Variants in FANCL observed in about 807,000 individuals in gnomAD.
FANCL encodes the protein FA complementation group L.
Under a neutral mutation model 59.4 loss-of-function variants are expected in FANCL, and 69 were observed. The ratio of observed to expected loss-of-function variants is 1.16; its 90% CI spans 0.96 to 1.42. The LOEUF is 1.42. Ranked by LOEUF, FANCL falls within the 40% of genes most tolerant of loss-of-function variation. The pLI is 0.00. For synonymous variants in FANCL, 180 were observed against 147.1 expected, an observed-to-expected ratio of 1.22 and a Z score of -1.62; for missense variants, 519 against 447.2, an observed-to-expected ratio of 1.16 and a Z score of -1.45.
rs1685515645 is a variant in FANCL at position 58,163,480 on chromosome 2, C to CCTGG, written c.725_728dup (p.Arg243SerfsTer9). 1 of 1,610,062 alleles carries CCTGG rather than the reference C, an allele frequency of 6.2e-7. No homozygotes were observed. Among genetic ancestry groups the CCTGG allele is most frequent in the Admixed American group, 1.7e-5 (1 of 59,882 alleles). ...AGCACTCAGGAAGCATAGTAGGATG[C>CCTGG]CTGGGGTCTACCTCTATATTTATGG... On this transcript the variant is annotated frameshift_variant, in exon 9 of 14. Transcript: ENST00000233741. LOFTEE classifies it high-confidence loss of function.
intron 4 of FANCL, among the ~76,000 whole-genome samples, chr2:58,224,389 G>A (rs961561805): frequency 7.9e-5 from 12 of 151,750 alleles, no homozygotes; most frequent in South Asian, 4.2e-4. Flanking sequence ...ATTACATTAA[G>A]GCCTTTGATG....
In FANCL at chr2:58,177,792, TA is replaced by T. The variant is rs60381234; in HGVS notation, c.541-11919del. On this transcript the variant is annotated intron_variant, in intron 7 of 13. Coordinates refer to ENST00000233741, the MANE Select transcript of FANCL (RefSeq NM_018062.4). ...AACTTAATAATAAAATAAAAAAGATTAAAAAAAAAAGAAAAAGAAAAAACAA... is the reference window on the plus strand; with the variant it reads ...AACTTAATAATAAAATAAAAAAGATTAAAAAAAAAGAAAAAGAAAAAACAA... Among the ~76,000 whole-genome samples, 155 of 128,378 alleles carry T rather than the reference TA, an allele frequency of 1.2e-3. 1 individual carries two copies. The South Asian group carries it at 0.019, about 15-fold the overall frequency. The allele number at this position is 128,378 out of a possible 152,430, so 84.2% of individuals were successfully genotyped here.
At chr2:58,194,919 T>G (rs188393218) in intron 7 of FANCL, among the ~76,000 whole-genome samples, 1 of 123,962 alleles carries the variant, frequency 8.1e-6, no homozygotes, top group East Asian at 2.1e-4. Context: ...CCATGTCTAT[T>G]ATATCACAAA....
At chr2:58,234,634 A>G (rs1693852225) in intron 1 of FANCL, among the ~76,000 whole-genome samples, 2 of 152,046 alleles carry the variant, frequency 1.3e-5, no homozygotes, top group East Asian at 1.9e-4. Flanking sequence ...ACCAAAAGGG[A>G]TAAGTGGCCA....
At chr2:58,238,111 A>G (rs944399319) in intron 1 of FANCL, among the ~76,000 whole-genome samples, 3 of 152,232 alleles carry the variant, frequency 2.0e-5, no homozygotes, top group Non-Finnish European at 4.4e-5. Context: ...ACAGCTCTGA[A>G]TGCAGCCCAA....
intron 1 of FANCL, among the ~76,000 whole-genome samples, chr2:58,233,638 T>C (rs1173502254): frequency 2.0e-5 from 3 of 151,848 alleles, no homozygotes; most frequent in African/African-American, 7.3e-5. Flanking sequence ...CACTTTCCAA[T>C]AGAACCTACT....
chr2:58,168,251 G>A (rs935636254), intron 7 of FANCL, among the ~76,000 whole-genome samples: 20 of 152,234 alleles, frequency 1.3e-4, no homozygotes, highest in Middle Eastern at 6.8e-3. Context: ...CCAAGGTACC[G>A]GCTCACCTCA....
At chr2:58,234,778 A>G (rs973547280) in intron 1 of FANCL, among the ~76,000 whole-genome samples, 4 of 152,086 alleles carry the variant, frequency 2.6e-5, no homozygotes, top group African/African-American at 9.7e-5. Flanking sequence ...TTGGAAACAG[A>G]CTTCTTAAAG....
At chr2:58,164,435 A>T (rs848289) in intron 8 of FANCL, among the ~76,000 whole-genome samples, 42,728 of 151,894 alleles carry the variant, frequency 0.28, 6,657 homozygotes, top group South Asian at 0.41. Context: ...TTGGTAACAC[A>T]TTATTTACTA....
intron 7 of FANCL, among the ~76,000 whole-genome samples, chr2:58,184,274 A>G (rs1363686054): frequency 6.6e-6 from 1 of 152,078 alleles, no homozygotes; most frequent in Non-Finnish European, 1.5e-5. Context: ...CAGAATCAAA[A>G]ACCTTTTATA....
At chr2:58,213,674 G>A (rs2105219787) in intron 5 of FANCL, 1 of 148,220 alleles carries the variant, frequency 6.7e-6, no homozygotes, top group South Asian at 2.1e-4. Context: ...AGGAGTGTGA[G>A]ACTCGCCTGG....
intron 7 of FANCL, among the ~76,000 whole-genome samples, chr2:58,177,498 G>A (rs1687456991): frequency 6.6e-6 from 1 of 151,756 alleles, no homozygotes; most frequent in Non-Finnish European, 1.5e-5. Context: ...GGATGAAACT[G>A]GAAATCATCA....
intron 9 of FANCL, 136 bp from the exon 10 acceptor site, chr2:58,163,210 A>G: frequency 1.2e-6 from 1 of 820,576 alleles, no homozygotes; most frequent in Non-Finnish European, 2.0e-6. Context: ...AAACAAAATT[A>G]TACAGTTCAG....
At chr2:58,217,291 TG>T (rs1326991514) in intron 5 of FANCL, among the ~76,000 whole-genome samples, 3 of 145,638 alleles carry the variant, frequency 2.1e-5, no homozygotes, top group Non-Finnish European at 4.5e-5. Context: ...CTCATAGTTC[TG>T]GAGGCCAGGG....
At chr2:58,175,819 A>G (rs1287955339) in intron 7 of FANCL, among the ~76,000 whole-genome samples, 5 of 151,740 alleles carry the variant, frequency 3.3e-5, no homozygotes, top group African/African-American at 9.7e-5. Flanking sequence ...AGGGTATTCA[A>G]TTAGGAAAAG....
chr2:58,186,772 C>A (rs545544569), intron 7 of FANCL, among the ~76,000 whole-genome samples: 3 of 152,104 alleles, frequency 2.0e-5, no homozygotes, highest in Non-Finnish European at 2.9e-5. Flanking sequence ...GTGGCGGAAC[C>A]GCAGTGAATT....
chr2:58,197,418 T>C lies in FANCL; in HGVS notation c.540+1176A>G, dbSNP rs116360815. On this transcript the variant is annotated intron_variant, in intron 7 of 13. Coordinates refer to ENST00000233741, the MANE Select transcript of FANCL (RefSeq NM_018062.4). ...AATATTTGTAAAATGTCACTAGAAATGTTTTTTCTCTTTGCCTAAGAATAA... is the reference window on the plus strand; with the variant it reads ...AATATTTGTAAAATGTCACTAGAAACGTTTTTTCTCTTTGCCTAAGAATAA... 6.5e-3 allele frequency among the ~76,000 whole-genome samples: 996 copies of C among 152,256 alleles called. 13 individuals carry two copies. Among genetic ancestry groups the C allele is most frequent in the African/African-American group, 0.023 (941 of 41,570 alleles).
chr2:58,175,296 C>A (rs1490124831), intron 7 of FANCL, among the ~76,000 whole-genome samples: 1 of 148,938 alleles, frequency 6.7e-6, no homozygotes, highest in Non-Finnish European at 1.5e-5. Context: ...AGGCCAGCAT[C>A]ATTCTGATAC....
intron 4 of FANCL, among the ~76,000 whole-genome samples, chr2:58,224,837 T>C (rs897428611): frequency 8.6e-5 from 13 of 151,966 alleles, no homozygotes; most frequent in Non-Finnish European, 1.8e-4. Flanking sequence ...AATTCTATAA[T>C]GCCAATTTGA....
Sources: gnomAD v4.1 joint callset for allele counts (sites outside exome capture counted in the v4.1 genomes callset) on GRCh38, gnomAD v4.1.1 for gene constraint, MANE v1.5 for transcripts, NCBI Gene and HGNC (gene_info 2026-07-23, HGNC 2026-07-21) for gene names.